The following TTLL5 variants were observed in gnomAD, a reference collection of about 807,000 sequenced individuals.
TTLL5 encodes tubulin polyglutamylase TTLL5.
In TTLL5, 132 loss-of-function variants were observed where a neutral mutation model predicts 168.4. That is an observed-to-expected ratio of 0.78 (90% confidence interval 0.68 to 0.91). TTLL5 has a LOEUF of 0.91. TTLL5 is among the 40% of genes least tolerant of loss of function. The pLI is 0.00. For synonymous variants in TTLL5, 546 were observed against 558.6 expected, an observed-to-expected ratio of 0.98 and a Z score of 0.32; for missense variants, 1,545 against 1,581.5, an observed-to-expected ratio of 0.98 and a Z score of 0.39.
At chr14:75,892,956 G>C (rs2032473615) in intron 30 of TTLL5, among the ~76,000 whole-genome samples, 1 of 152,124 alleles carries the variant, frequency 6.6e-6, no homozygotes, top group African/African-American at 2.4e-5. Flanking sequence ...GAATGAGCAA[G>C]CACAGAGACC....
At chr14:75,682,202 A>T (rs145991354) in intron 4 of TTLL5, among the ~76,000 whole-genome samples, 4,120 of 151,812 alleles carry the variant, frequency 0.027, 68 homozygotes, top group African/African-American at 0.04. Context: ...AAAAAAAAAA[A>T]AAAACAAACC....
At chr14:75,688,371 T>C (rs1463062083) in intron 5 of TTLL5, among the ~76,000 whole-genome samples, 1 of 152,218 alleles carries the variant, frequency 6.6e-6, no homozygotes, top group African/African-American at 2.4e-5. Context: ...TCTTGGCCAG[T>C]AGTGTGCCTG....
chr14:75,696,867 T>C (rs560205773), intron 6 of TTLL5, among the ~76,000 whole-genome samples: 1 of 152,366 alleles, frequency 6.6e-6, no homozygotes, highest in East Asian at 1.9e-4. Context: ...TTTAACAGGC[T>C]ATCTTCAAGA....
chr14:75,886,973 A>G lies in TTLL5; in HGVS notation c.3740+4071A>G, dbSNP rs1595210018. 2.8e-6 allele frequency: 4 copies of G among 1,413,110 alleles called. No homozygotes were observed. In the East Asian group the frequency reaches 1.0e-4, roughly 36 times the overall value. The allele number at this position is 1,413,110 out of a possible 1,614,324, so 87.5% of individuals were successfully genotyped here. ...TAACCTGGGAGACTTCTCTGAAGAA[A>G]GAAAACTGTTTAAGAAACACAGACT... On this transcript the variant is annotated intron_variant, in intron 30 of 31. Coordinates refer to ENST00000298832, the MANE Select transcript of TTLL5 (RefSeq NM_015072.5).
intron 30 of TTLL5, among the ~76,000 whole-genome samples, 156 bp downstream of exon 30, chr14:75,883,058 A>G (rs1487562232): frequency 6.6e-6 from 1 of 152,258 alleles, no homozygotes; most frequent in Non-Finnish European, 1.5e-5. Flanking sequence ...AGCGTGGGCT[A>G]CAAATTAGAA....
At chr14:75,798,637 A>T (rs1893119060) in intron 27 of TTLL5, among the ~76,000 whole-genome samples, 1 of 152,074 alleles carries the variant, frequency 6.6e-6, no homozygotes, top group South Asian at 2.1e-4. Flanking sequence ...CTTTTGCTGT[A>T]TCCCAGAGAT....
At chr14:75,944,225 T>C (rs1242032677) in intron 31 of TTLL5, among the ~76,000 whole-genome samples, 1 of 152,222 alleles carries the variant, frequency 6.6e-6, no homozygotes, top group African/African-American at 2.4e-5. Flanking sequence ...TTTGGTGCCA[T>C]GTGACTTGGA....
chr14:75,742,882 A>G (rs916209659), intron 15 of TTLL5, among the ~76,000 whole-genome samples: 1 of 152,224 alleles, frequency 6.6e-6, no homozygotes, highest in African/African-American at 2.4e-5. Flanking sequence ...AACAATGGTT[A>G]TATTATTTAT....
At position 75,863,926 on chromosome 14, in the gene TTLL5, A is replaced by AAGAAAAAAG. The variant is rs1555352360; in HGVS notation, c.3522+65_3522+66insGAAAAAAGA. 106 of 1,257,848 alleles carry AAGAAAAAAG rather than the reference A, an allele frequency of 8.4e-5. 3 individuals are homozygous for AAGAAAAAAG. The East Asian group carries it at 3.1e-3, about 37-fold the overall frequency. 77.9% of individuals were successfully genotyped at this position (1,257,848 alleles called of 1,614,324 possible). ...CTGCTGTTGGTAAAAAAAAAAAAAA[A>AAGAAAAAAG]AAAAAAAAGGTCAGTGAATGAGAAA... is the stretch of plus-strand genomic sequence containing the variant. On this transcript the variant is annotated intron_variant, in intron 29 of 31. Coordinates refer to ENST00000298832, the MANE Select transcript of TTLL5 (RefSeq NM_015072.5).
intron 27 of TTLL5, among the ~76,000 whole-genome samples, chr14:75,809,502 A>G (rs1176713632): frequency 6.6e-6 from 1 of 152,200 alleles, no homozygotes; most frequent in Non-Finnish European, 1.5e-5. Flanking sequence ...ACATCTATAC[A>G]ATGTGTTATG....
Position 75,902,206 on chromosome 14 carries a change from CCCATCA to C in TTLL5, c.3809_3814del (p.Ile1270_Thr1271del). ...CAGCCTTAACCCTGCAGCCTTTGTG[CCCATCA>C]CCAGCTCTACAGGTTAGTGGGCACC... On this transcript the variant is annotated inframe_deletion, in exon 31 of 32. Transcript: ENST00000298832. The C allele has an allele frequency of 1.2e-6, 2 of 1,614,136 alleles. No homozygotes were observed. The highest frequency in any genetic ancestry group is 1.7e-6 in the Non-Finnish European group (2 of 1,180,010).
At chr14:75,797,499 A>T (rs1893058769) in intron 27 of TTLL5, among the ~76,000 whole-genome samples, 1 of 152,066 alleles carries the variant, frequency 6.6e-6, no homozygotes, top group Admixed American at 6.6e-5. Context: ...TCCAGTTTTC[A>T]AGGGGAATAT....
intron 6 of TTLL5, among the ~76,000 whole-genome samples, chr14:75,694,158 G>A (rs554682527): frequency 1.7e-4 from 26 of 152,246 alleles, no homozygotes; most frequent in East Asian, 1.4e-3. Flanking sequence ...AAGACTGCCC[G>A]GCCTTTGCCT....
chr14:75,874,056 A>G (rs1595186459), intron 29 of TTLL5, among the ~76,000 whole-genome samples: 2 of 150,222 alleles, frequency 1.3e-5, no homozygotes, highest in South Asian at 4.3e-4. Context: ...CATGATTAAT[A>G]CCATGATTAA....
In TTLL5 at chr14:75,882,866, A is replaced by G; in HGVS notation, c.3704A>G (p.Gln1235Arg). ...CCCAAACCCCCACCCAACCACGAAC[A>G]AGTGCTCAGAAGGGCAACATCCCAG... Reference protein sequence around the residue: ...LVPKPPPNHEQVLRRATSQKA... With the variant: ...LVPKPPPNHERVLRRATSQKA... Residue 1235 changes from glutamine to arginine, a missense_variant, in exon 30 of 32, where the codon CAA becomes CGA. Coordinates refer to ENST00000298832, the MANE Select transcript of TTLL5 (RefSeq NM_015072.5). 6.2e-7 allele frequency: 1 copy of G among 1,614,166 alleles called. No individual in the cohort carries two copies. Among genetic ancestry groups the G allele is most frequent in the Non-Finnish European group, 8.5e-7 (1 of 1,180,014 alleles).
At chr14:75,923,988 A>C (rs1452631007) in intron 31 of TTLL5, among the ~76,000 whole-genome samples, 1 of 148,982 alleles carries the variant, frequency 6.7e-6, no homozygotes. Context: ...TTTGATCTTT[A>C]TTGGTTTAAA....
intron 28 of TTLL5, among the ~76,000 whole-genome samples, chr14:75,827,129 G>C (rs986500094): frequency 2.0e-5 from 3 of 152,180 alleles, no homozygotes; most frequent in Admixed American, 6.5e-5. Flanking sequence ...AAGCTGCTTT[G>C]TGGGACAAAG....
At chr14:75,919,707 G>A (rs6574258) in intron 31 of TTLL5, among the ~76,000 whole-genome samples, 17 of 152,092 alleles carry the variant, frequency 1.1e-4, no homozygotes, top group Non-Finnish European at 4.4e-5. Flanking sequence ...TCTTCATGTC[G>A]TTGGATTAGG....
intron 3 of TTLL5, among the ~76,000 whole-genome samples, chr14:75,681,321 A>T (rs944239254): frequency 2.0e-5 from 3 of 152,174 alleles, no homozygotes; most frequent in African/African-American, 7.2e-5. Flanking sequence ...TTTCAACTAG[A>T]AACTAGTGAA....
Sources: gnomAD v4.1 joint callset for allele counts (sites outside exome capture counted in the v4.1 genomes callset) on GRCh38, gnomAD v4.1.1 for gene constraint, MANE v1.5 for transcripts, NCBI Gene and HGNC (gene_info 2026-07-23, HGNC 2026-07-21) for gene names.